The following EYS variants were observed in gnomAD, a reference collection of about 807,000 sequenced individuals.
EYS encodes the protein protein eyes shut homolog.
EYS carries 250 observed loss-of-function variants against 282.1 expected under a neutral mutation model. That is an observed-to-expected ratio of 0.89 (90% CI 0.80 to 0.98). EYS has a LOEUF of 0.98. Among genes scored for constraint, EYS ranks in the 50% least tolerant of loss-of-function variants. EYS has a pLI of 0.00. For synonymous variants in EYS, 1,355 were observed against 1,282.9 expected (o/e 1.06, Z -1.20); for missense variants, 4,016 against 3,709.0 (o/e 1.08, Z -2.15).
chr6:65,370,562 G>A (rs1037328186), intron 8 of EYS, among the ~76,000 whole-genome samples: 2 of 151,666 alleles, frequency 1.3e-5, no homozygotes, highest in African/African-American at 2.4e-5. Flanking sequence ...TTCTTTGACC[G>A]ACTTTTATAT....
chr6:65,491,989 CAGA>C (rs1219422926), intron 4 of EYS, among the ~76,000 whole-genome samples: 2 of 152,080 alleles, frequency 1.3e-5, no homozygotes, highest in Non-Finnish European at 2.9e-5. Context: ...AAATAGATCT[CAGA>C]AGAAACCATA....
At chr6:64,687,764 T>G (rs1033948232) in intron 22 of EYS, among the ~76,000 whole-genome samples, 1 of 152,238 alleles carries the variant, frequency 6.6e-6, no homozygotes, top group Non-Finnish European at 1.5e-5. Context: ...TCCCTTTTTT[T>G]CTATTGATTG....
chr6:64,787,984 A>C (rs940372043), intron 22 of EYS, among the ~76,000 whole-genome samples: 5 of 151,838 alleles, frequency 3.3e-5, no homozygotes, highest in African/African-American at 1.2e-4. Flanking sequence ...CTGCTTGTCT[A>C]TCTGAGTATA....
At chr6:65,091,842 A>G (rs894119897) in intron 12 of EYS, among the ~76,000 whole-genome samples, 1 of 151,936 alleles carries the variant, frequency 6.6e-6, no homozygotes, top group African/African-American at 2.4e-5. Flanking sequence ...CCTGGCTTTG[A>G]GCCACTGTTG....
In EYS at chr6:64,448,630, C is replaced by T. The variant is rs182902086; in HGVS notation, c.5645-9278G>A. On this transcript the variant is annotated intron_variant, in intron 26 of 42. Coordinates refer to ENST00000503581, the MANE Select transcript of EYS (RefSeq NM_001142800.2). ...CCAGTAGGGGCGGACTGACATCTCA[C>T]ACAGCCGGGTACTCCTCTGAGACAA... is the stretch of plus-strand genomic sequence containing the variant. Among the ~76,000 whole-genome samples the T allele has an allele frequency of 4.7e-3, 710 of 152,294 alleles. 4 individuals are homozygous for T. The highest frequency in any genetic ancestry group is 0.016 in the African/African-American group (661 of 41,568).
intron 19 of EYS, among the ~76,000 whole-genome samples, chr6:64,871,604 G>T (rs1014036972): frequency 4.6e-5 from 7 of 151,954 alleles, no homozygotes; most frequent in Non-Finnish European, 8.8e-5. Flanking sequence ...ATAAATAAAG[G>T]TAGGTAACTA....
chr6:63,964,077 C>T (rs1005718131), intron 35 of EYS, among the ~76,000 whole-genome samples: 2 of 152,122 alleles, frequency 1.3e-5, no homozygotes, highest in African/African-American at 4.8e-5. Context: ...GTATAAAGAA[C>T]AGTAACAGTT....
rs192870380 is a variant in EYS at position 65,253,860 on chromosome 6, T to C, written c.2023+42003A>G. Among the ~76,000 whole-genome samples the C allele has an allele frequency of 1.6e-3, 242 of 151,830 alleles. 2 individuals are homozygous for C. Among genetic ancestry groups the C allele is most frequent in the African/African-American group, 5.4e-3 (222 of 41,456 alleles). On this transcript the variant is annotated intron_variant, in intron 12 of 42. Coordinates refer to ENST00000503581, the MANE Select transcript of EYS (RefSeq NM_001142800.2). ...GTAGTGACTTAGTCAAACTCTAATA[T>C]CCTATCTTTTTCTGATTTTTCAGGC...
At chr6:63,773,476 G>A (rs1395905118) in intron 40 of EYS, among the ~76,000 whole-genome samples, 2 of 152,202 alleles carry the variant, frequency 1.3e-5, no homozygotes, top group Non-Finnish European at 2.9e-5. Flanking sequence ...GCGGGATAGA[G>A]TAGTACAATT....
intron 22 of EYS, among the ~76,000 whole-genome samples, chr6:64,803,927 G>T (rs1399165306): frequency 6.6e-6 from 1 of 152,204 alleles, no homozygotes; most frequent in Non-Finnish European, 1.5e-5. Context: ...CAGAGCACAG[G>T]GATGCCTGGG....
Position 63,984,608 on chromosome 6 carries a change from A to G in EYS, c.6835-5T>C. On this transcript the variant is annotated splice_polypyrimidine_tract_variant and splice_region_variant and intron_variant, in intron 34 of 42. Coordinates refer to ENST00000503581, the MANE Select transcript of EYS (RefSeq NM_001142800.2). ...GAACATTGATTCAAAATATGCCTGT[A>G]GAAAAAGTAACAACAAAAAATATTA... 1.3e-6 allele frequency: 2 copies of G among 1,533,784 alleles called. No individual in the cohort carries two copies. The highest frequency in any genetic ancestry group is 1.8e-6 in the Non-Finnish European group (2 of 1,132,088).
intron 14 of EYS, among the ~76,000 whole-genome samples, chr6:64,987,725 T>C (rs920288374): frequency 6.6e-6 from 1 of 151,488 alleles, no homozygotes; most frequent in Non-Finnish European, 1.5e-5. Flanking sequence ...CCTTCTATGA[T>C]ATACCAGTGA....
intron 5 of EYS, among the ~76,000 whole-genome samples, chr6:65,430,962 G>A (rs1311202921): frequency 6.6e-6 from 1 of 152,134 alleles, no homozygotes; most frequent in African/African-American, 2.4e-5. Flanking sequence ...TACCAACCTT[G>A]GTGGCCATGG....
chr6:64,271,442 G>A (rs1582515472), intron 30 of EYS, among the ~76,000 whole-genome samples: 1 of 151,662 alleles, frequency 6.6e-6, no homozygotes, highest in Non-Finnish European at 1.5e-5. Context: ...AGGTTTTTTT[G>A]GGAAACAGAC....
intron 11 of EYS, among the ~76,000 whole-genome samples, chr6:65,301,290 T>C (rs535082113): frequency 8.3e-4 from 127 of 152,282 alleles, no homozygotes; most frequent in African/African-American, 2.7e-3. Context: ...GGTCAGGAGA[T>C]CGAGACCATC....
At chr6:64,082,094 G>T in intron 31 of EYS, 92 bp from the exon 32 acceptor site, 1 of 840,040 alleles carries the variant, frequency 1.2e-6, no homozygotes, top group Admixed American at 3.1e-5. Flanking sequence ...GCATTCATTT[G>T]AAAAGGTAAC....
chr6:64,269,411 C>A (rs1479031038), intron 30 of EYS, among the ~76,000 whole-genome samples: 1 of 151,976 alleles, frequency 6.6e-6, no homozygotes, highest in Non-Finnish European at 1.5e-5. Context: ...TACATCACTT[C>A]ATTGCTTTAA....
At chr6:64,340,124 G>T (rs1771043539) in intron 29 of EYS, among the ~76,000 whole-genome samples, 1 of 151,252 alleles carries the variant, frequency 6.6e-6, no homozygotes, top group South Asian at 2.1e-4. Flanking sequence ...CTATTTTTCA[G>T]CCCTGTAGAA....
chr6:65,033,756 G>A (rs980646549), intron 13 of EYS, among the ~76,000 whole-genome samples: 1 of 152,156 alleles, frequency 6.6e-6, no homozygotes, highest in Non-Finnish European at 1.5e-5. Context: ...CTAGGGCAGT[G>A]CTGAGGGAAA....
Sources: gnomAD v4.1 joint callset for allele counts (sites outside exome capture counted in the v4.1 genomes callset) on GRCh38, gnomAD v4.1.1 for gene constraint, MANE v1.5 for transcripts, NCBI Gene and HGNC (gene_info 2026-07-23, HGNC 2026-07-21) for gene names.